Variants in PPP2R3A observed in about 807,000 individuals in gnomAD.
The protein encoded by PPP2R3A is serine/threonine-protein phosphatase 2A regulatory subunit B'' subunit alpha.
A neutral mutation model predicts 106.9 loss-of-function variants in PPP2R3A; 80 were observed. The ratio of observed to expected loss-of-function variants is 0.75; its 90% CI spans 0.62 to 0.90. The LOEUF is 0.90. Among genes scored for constraint, PPP2R3A ranks in the 40% least tolerant of loss-of-function variants. PPP2R3A has a pLI of 0.00. For synonymous variants in PPP2R3A, 483 were observed against 468.3 expected, an observed-to-expected ratio of 1.03 and a Z score of -0.41; for missense variants, 1,386 against 1,350.4, an observed-to-expected ratio of 1.03 and a Z score of -0.41.
chr3:136,072,563 A>T (rs1936471512), intron 6 of PPP2R3A, among the ~76,000 whole-genome samples: 1 of 152,240 alleles, frequency 6.6e-6, no homozygotes, highest in African/African-American at 2.4e-5. Flanking sequence ...CCTGCACTCC[A>T]GCCTGGGAGG....
chr3:136,117,501 A>G (rs1462846365), intron 13 of PPP2R3A, among the ~76,000 whole-genome samples: 1 of 152,210 alleles, frequency 6.6e-6, no homozygotes, highest in Non-Finnish European at 1.5e-5. Flanking sequence ...TAAAGAAGAA[A>G]AGAGAGAAGA....
chr3:136,072,117 A>G (rs1202396498), intron 6 of PPP2R3A, among the ~76,000 whole-genome samples: 2 of 151,918 alleles, frequency 1.3e-5, no homozygotes, highest in African/African-American at 2.4e-5. Flanking sequence ...GATAAAATTT[A>G]ATTTTTTGTT....
intron 3 of PPP2R3A, among the ~76,000 whole-genome samples, chr3:136,029,688 C>A (rs1357161249): frequency 6.6e-6 from 1 of 152,196 alleles, no homozygotes; most frequent in Non-Finnish European, 1.5e-5. Context: ...TAGGGACAGT[C>A]ATTTACGTAA....
intron 1 of PPP2R3A, among the ~76,000 whole-genome samples, chr3:135,967,470 C>T (rs1259881155): frequency 6.6e-6 from 1 of 152,118 alleles, no homozygotes; most frequent in Non-Finnish European, 1.5e-5. Flanking sequence ...TTAATTTGGC[C>T]TTAATGTTCA....
chr3:135,984,073 A>G (rs1937573908), intron 1 of PPP2R3A, among the ~76,000 whole-genome samples: 1 of 152,180 alleles, frequency 6.6e-6, no homozygotes, highest in Non-Finnish European at 1.5e-5. Context: ...TACTATAACA[A>G]CTTCAGTGTT....
chr3:136,082,121 A>T, intron 7 of PPP2R3A, 144 bp from the exon 8 acceptor site: 2 of 611,876 alleles, frequency 3.3e-6, no homozygotes, highest in Non-Finnish European at 5.7e-6. Flanking sequence ...TAAAGGTAGG[A>T]TGAGGTTGCC....
At chr3:136,098,293 G>A (rs1576501070) in intron 10 of PPP2R3A, among the ~76,000 whole-genome samples, 1 of 152,284 alleles carries the variant, frequency 6.6e-6, no homozygotes, top group Admixed American at 6.5e-5. Flanking sequence ...TCCAGCCTGG[G>A]TAACAGAATG....
chr3:135,993,595 A>T (rs938081296), intron 1 of PPP2R3A, among the ~76,000 whole-genome samples: 1 of 152,244 alleles, frequency 6.6e-6, no homozygotes, highest in Non-Finnish European at 1.5e-5. Context: ...GATTAGTCAT[A>T]ATAGCTTTAA....
intron 4 of PPP2R3A, among the ~76,000 whole-genome samples, chr3:136,046,409 G>A (rs1935471691): frequency 6.6e-6 from 1 of 151,652 alleles, no homozygotes; most frequent in South Asian, 2.1e-4. Flanking sequence ...AGCCGAGGTT[G>A]CGCTGTTGCA....
chr3:136,010,258 C>CTTTTTTTT (rs35997478), intron 2 of PPP2R3A, among the ~76,000 whole-genome samples: 2 of 121,298 alleles, frequency 1.6e-5, no homozygotes, highest in Non-Finnish European at 3.4e-5. Context: ...TTCTTTCTTT[C>CTTTTTTTT]TTTTTTTTTT....
chr3:136,018,129 C>T (rs1448800005), intron 2 of PPP2R3A, among the ~76,000 whole-genome samples: 1 of 152,064 alleles, frequency 6.6e-6, no homozygotes, highest in East Asian at 1.9e-4. Context: ...TAGCTGGGCA[C>T]AGTGCCATGT....
At chr3:136,062,721 A>G (rs1431385725) in intron 5 of PPP2R3A, among the ~76,000 whole-genome samples, 5 of 151,142 alleles carry the variant, frequency 3.3e-5, no homozygotes, top group Admixed American at 2.0e-4. Flanking sequence ...CCATCTCAAA[A>G]AAAAAAAAAA....
chr3:135,992,251 A>G (rs1933199474), intron 1 of PPP2R3A, among the ~76,000 whole-genome samples: 1 of 152,126 alleles, frequency 6.6e-6, no homozygotes, highest in Non-Finnish European at 1.5e-5. Context: ...TAATAGTTTT[A>G]TTATTTCTAA....
Position 136,147,012 on chromosome 3 carries a change from C to A in PPP2R3A, c.*1846C>A, listed in dbSNP as rs139664845. The A allele has an allele frequency of 2.0e-5, 3 of 151,392 alleles. No individual in the cohort carries two copies. The East Asian group carries it at 5.8e-4, about 29-fold the overall frequency. The allele number at this position is 151,392 out of a possible 1,614,324, so 9.4% of individuals were successfully genotyped here. ...TTTTTTTTTAACTATTTGGCTTTAC[C>A]TTTTTACCTTGGTTCTCCTTACTGA... On this transcript the variant is annotated 3_prime_UTR_variant, in exon 14 of 14. Coordinates refer to ENST00000264977, the MANE Select transcript of PPP2R3A (RefSeq NM_002718.5).
chr3:135,969,374 G>A (rs1937176635), intron 1 of PPP2R3A, among the ~76,000 whole-genome samples: 2 of 152,188 alleles, frequency 1.3e-5, no homozygotes, highest in Middle Eastern at 3.2e-3. Context: ...GGTTGATATG[G>A]TACAAGGGTT....
At chr3:135,971,039 A>G (rs1260075371) in intron 1 of PPP2R3A, among the ~76,000 whole-genome samples, 6 of 152,078 alleles carry the variant, frequency 3.9e-5, no homozygotes, top group Admixed American at 1.3e-4. Flanking sequence ...CAAAGACTAT[A>G]TTGTTGGTAT....
chr3:136,029,725 G>A (rs1002687826), intron 3 of PPP2R3A, among the ~76,000 whole-genome samples: 16 of 152,254 alleles, frequency 1.1e-4, no homozygotes, highest in Admixed American at 6.5e-4. Flanking sequence ...CCTAATAATC[G>A]TGGTGCAATA....
At chr3:136,089,285 C>T (rs1320176634) in intron 9 of PPP2R3A, among the ~76,000 whole-genome samples, 1 of 152,146 alleles carries the variant, frequency 6.6e-6, no homozygotes, top group Non-Finnish European at 1.5e-5. Flanking sequence ...GGTCTGGTTT[C>T]ATTCTTCTGC....
intron 1 of PPP2R3A, among the ~76,000 whole-genome samples, chr3:135,975,461 T>C (rs967026093): frequency 5.3e-5 from 8 of 152,212 alleles, no homozygotes; most frequent in African/African-American, 1.9e-4. Flanking sequence ...GAAAAGGTAT[T>C]ATTTCTAAGA....
Sources: allele counts gnomAD v4.1 joint callset (sites outside exome capture counted in the v4.1 genomes callset), GRCh38; gene constraint gnomAD v4.1.1; transcripts MANE v1.5; gene names NCBI Gene and HGNC (gene_info 2026-07-23, HGNC 2026-07-21).